RAP1GAP2: variants seen among roughly 807,000 people sequenced by gnomAD.
RAP1GAP2 encodes the protein rap1 GTPase-activating protein 2.
A neutral mutation model predicts 95.0 loss-of-function variants in RAP1GAP2; 27 were observed. That is an observed-to-expected ratio of 0.28 (90% CI 0.21 to 0.39). The LOEUF (loss-of-function observed/expected upper bound fraction) is 0.39. Among genes scored for constraint, RAP1GAP2 ranks in the 10% least tolerant of loss-of-function variants. The pLI is 1.00. For missense variants in RAP1GAP2, 771 were observed against 970.0 expected (o/e 0.79, Z 2.72); for synonymous variants, 373 against 380.9 (o/e 0.98, Z 0.24).
intron 2 of RAP1GAP2, among the ~76,000 whole-genome samples, chr17:2,893,452 T>TA (rs2073784380): frequency 6.6e-6 from 1 of 152,246 alleles, no homozygotes; most frequent in Non-Finnish European, 1.5e-5. Context: ...TCTCTATTTA[T>TA]ATCTCCTAAA....
intron 2 of RAP1GAP2, among the ~76,000 whole-genome samples, chr17:2,889,391 G>A (rs2073610481): frequency 6.6e-6 from 1 of 152,188 alleles, no homozygotes; most frequent in Non-Finnish European, 1.5e-5. Context: ...AGTGGTCAGG[G>A]TGCGTGTTAG....
Position 2,849,171 on chromosome 17 carries a change from C to T in RAP1GAP2, c.80+48621C>T, listed in dbSNP as rs548145309. ...TGCGTTGTCCCAAAGGTTGTGTGGT[C>T]CATGGAATAGCTGGGACCCTGCCCG... is the stretch of plus-strand genomic sequence containing the variant. On this transcript the variant is annotated intron_variant, in intron 2 of 24. Transcript: ENST00000254695. Among the ~76,000 whole-genome samples the T allele has an allele frequency of 2.9e-3, 434 of 152,262 alleles. 2 individuals carry two copies. The highest frequency in any genetic ancestry group is 9.7e-3 in the African/African-American group (403 of 41,564).
chr17:2,764,403 G>A (rs1315646542), intron 1 of RAP1GAP2, among the ~76,000 whole-genome samples: 1 of 148,910 alleles, frequency 6.7e-6, no homozygotes, highest in Non-Finnish European at 1.5e-5. Flanking sequence ...TTGCCTGGGC[G>A]ACGCAGCAAG....
chr17:2,957,964 G>C (rs1357429637), intron 4 of RAP1GAP2, among the ~76,000 whole-genome samples, 170 bp downstream of exon 4: 2 of 152,130 alleles, frequency 1.3e-5, no homozygotes, highest in Non-Finnish European at 1.5e-5. Context: ...TGCTGTTGAG[G>C]GGTACGGAGC....
intron 2 of RAP1GAP2, among the ~76,000 whole-genome samples, chr17:2,852,954 G>A (rs1274939917): frequency 6.6e-6 from 1 of 152,172 alleles, no homozygotes; most frequent in Non-Finnish European, 1.5e-5. Context: ...GGGCGGGAGG[G>A]ACCACGCGAC....
intron 2 of RAP1GAP2, among the ~76,000 whole-genome samples, chr17:2,864,583 C>T (rs1311662823): frequency 2.6e-5 from 4 of 152,182 alleles, no homozygotes; most frequent in Non-Finnish European, 5.9e-5. Flanking sequence ...CCCTGAAGGA[C>T]GGGACGTACG....
At chr17:2,847,813 C>T (rs1415253738) in intron 2 of RAP1GAP2, among the ~76,000 whole-genome samples, 3 of 152,090 alleles carry the variant, frequency 2.0e-5, no homozygotes, top group Admixed American at 1.3e-4. Context: ...CAGCCTCATC[C>T]GCTCCTGATT....
intron 2 of RAP1GAP2, among the ~76,000 whole-genome samples, chr17:2,809,571 G>C (rs553913557): frequency 2.0e-5 from 3 of 152,182 alleles, no homozygotes; most frequent in Non-Finnish European, 4.4e-5. Context: ...CATGCACTTG[G>C]GCTTCCTCGC....
At chr17:2,949,900 G>A (rs2043850442) in intron 3 of RAP1GAP2, among the ~76,000 whole-genome samples, 1 of 152,230 alleles carries the variant, frequency 6.6e-6, no homozygotes, top group African/African-American at 2.4e-5. Flanking sequence ...TGCTGCCACT[G>A]GCTGATTTCT....
chr17:2,962,778 C>T, intron 5 of RAP1GAP2, 64 bp downstream of exon 5: 1 of 1,436,676 alleles, frequency 7.0e-7, no homozygotes, highest in Non-Finnish European at 9.4e-7. Context: ...GAGAGGAAGG[C>T]AGGAGGGGCT....
chr17:2,797,283 C>T lies in RAP1GAP2; in HGVS notation c.44+712C>T, dbSNP rs994175484. Among the ~76,000 whole-genome samples, 2 of 152,216 alleles carry T rather than the reference C, an allele frequency of 1.3e-5. No individual in the cohort carries two copies. Among genetic ancestry groups the T allele is most frequent in the African/African-American group, 4.8e-5 (2 of 41,452 alleles). Reference sequence around the variant, plus strand: ...TGCCTGGCCCTCTGGACACTCTTGCCTCTAAGCTTCTGTCTGGGATGAGGG... The same window carrying T: ...TGCCTGGCCCTCTGGACACTCTTGCTTCTAAGCTTCTGTCTGGGATGAGGG... On this transcript the variant is annotated intron_variant, in intron 1 of 24. Transcript: ENST00000254695. The surrounding 1 kb of genome is among the most constrained non-coding windows in gnomAD (Gnocchi z 5.6).
chr17:2,875,115 A>G (rs1038904507), intron 2 of RAP1GAP2, among the ~76,000 whole-genome samples: 3 of 152,154 alleles, frequency 2.0e-5, no homozygotes, highest in African/African-American at 4.8e-5. Context: ...CGCCCAGGCT[A>G]GAGTGCAATG....
chr17:2,918,318 A>G (rs1567776827), intron 3 of RAP1GAP2, among the ~76,000 whole-genome samples: 1 of 150,948 alleles, frequency 6.6e-6, no homozygotes, highest in Non-Finnish European at 1.5e-5. Context: ...CTATAATCCC[A>G]GCTATTTGGG....
chr17:2,914,567 T>C (rs1055812457), intron 3 of RAP1GAP2, among the ~76,000 whole-genome samples: 2 of 152,088 alleles, frequency 1.3e-5, no homozygotes, highest in Admixed American at 6.5e-5. Context: ...CTCAGCTCAC[T>C]GCAAGCTCTG....
chr17:2,815,850 G>C (rs775012046), intron 2 of RAP1GAP2, among the ~76,000 whole-genome samples: 1 of 152,220 alleles, frequency 6.6e-6, no homozygotes. Context: ...ATGTGCCCTC[G>C]TGCCTGCAGG....
At chr17:2,912,082 T>C (rs893207679) in intron 3 of RAP1GAP2, among the ~76,000 whole-genome samples, 1 of 152,342 alleles carries the variant, frequency 6.6e-6, no homozygotes, top group South Asian at 2.1e-4. Flanking sequence ...GGTTCCTCCC[T>C]TGCTCCTTGG....
chr17:2,856,911 C>T (rs1597449241), intron 2 of RAP1GAP2, among the ~76,000 whole-genome samples: 1 of 152,328 alleles, frequency 6.6e-6, no homozygotes, highest in East Asian at 1.9e-4. Context: ...TGCTAAGTGA[C>T]CTTTGCTTCC....
At chr17:2,915,652 C>G (rs896046626) in intron 3 of RAP1GAP2, among the ~76,000 whole-genome samples, 6 of 152,174 alleles carry the variant, frequency 3.9e-5, no homozygotes, top group African/African-American at 1.4e-4. Flanking sequence ...TCTTTGCTTA[C>G]CCCAGCTCAC....
rs2044563255 is a variant in RAP1GAP2 at position 2,965,723 on chromosome 17, CAG to C, written c.596+82_596+83del. 17 of 1,036,890 alleles carry C rather than the reference CAG, an allele frequency of 1.6e-5. No homozygotes were observed. In the Middle Eastern group the frequency reaches 1.2e-3, roughly 72 times the overall value. The allele number at this position is 1,036,890 out of a possible 1,614,324, so 64.2% of individuals were successfully genotyped here. On this transcript the variant is annotated intron_variant, in intron 8 of 24. Transcript: ENST00000254695. The surrounding 1 kb of genome is among the most constrained non-coding windows in gnomAD (Gnocchi z 4.7). The stretch of plus-strand genomic sequence containing the variant: ...GTGGTGTGGGGGCTGGGATGGGACT[CAG>C]AAATACCAGACTGACCAGTCTGGTC...
Sources: gnomAD v4.1 joint callset for allele counts (sites outside exome capture counted in the v4.1 genomes callset) on GRCh38, gnomAD v4.1.1 for gene constraint, Gnocchi (gnomAD v3.1) non-coding constraint, MANE v1.5 for transcripts, NCBI Gene and HGNC (gene_info 2026-07-23, HGNC 2026-07-21) for gene names.